The following SOX6 variants were observed in gnomAD, a reference collection of about 807,000 sequenced individuals.
SOX6 encodes SRY-box transcription factor 6.
SOX6 carries 11 observed loss-of-function variants against 97.8 expected under a neutral mutation model. That is an observed-to-expected ratio of 0.11 (90% CI 0.07 to 0.19). The LOEUF is 0.19. Among genes scored for constraint, SOX6 ranks in the 10% least tolerant of loss-of-function variants. The pLI is 1.00. For missense variants in SOX6, 810 were observed against 1,039.5 expected, an observed-to-expected ratio of 0.78 and a Z score of 3.04; for synonymous variants, 360 against 371.4, an observed-to-expected ratio of 0.97 and a Z score of 0.35.
At chr11:16,325,889 C>T (rs182928900) in intron 2 of SOX6, among the ~76,000 whole-genome samples, 61 of 152,130 alleles carry the variant, frequency 4.0e-4, no homozygotes, top group Non-Finnish European at 5.9e-4. Context: ...CCTTTTTGCC[C>T]TTCCACCCTT....
chr11:16,327,116 G>C (rs1057427420), intron 2 of SOX6, among the ~76,000 whole-genome samples: 1 of 152,152 alleles, frequency 6.6e-6, no homozygotes, highest in Non-Finnish European at 1.5e-5. Flanking sequence ...AAATCACGCT[G>C]TATAACTGTC....
chr11:15,998,874 C>G (rs1385078541), intron 13 of SOX6, among the ~76,000 whole-genome samples: 2 of 152,086 alleles, frequency 1.3e-5, no homozygotes, highest in East Asian at 3.9e-4. Flanking sequence ...TAAAATGACT[C>G]TTAGATACAA....
intron 4 of SOX6, among the ~76,000 whole-genome samples, chr11:16,601,580 A>C (rs902548529): frequency 6.6e-6 from 1 of 152,188 alleles, no homozygotes. Context: ...GAGATACATA[A>C]CCGAACAAAA....
At chr11:16,474,645 A>T (rs1286311309) in intron 1 of SOX6, among the ~76,000 whole-genome samples, 2 of 152,106 alleles carry the variant, frequency 1.3e-5, no homozygotes, top group Non-Finnish European at 2.9e-5. Flanking sequence ...CATGCTATAA[A>T]CAAGTGTGCT....
At chr11:16,685,264 T>G (rs1590051608) in intron 3 of SOX6, among the ~76,000 whole-genome samples, 2 of 152,200 alleles carry the variant, frequency 1.3e-5, no homozygotes, top group African/African-American at 4.8e-5. Flanking sequence ...CCCAAAGTCT[T>G]AACTCTCCAG....
At chr11:16,440,899 T>G (rs1859491901) in intron 1 of SOX6, among the ~76,000 whole-genome samples, 2 of 152,244 alleles carry the variant, frequency 1.3e-5, no homozygotes, top group South Asian at 4.1e-4. Context: ...AGAGAAAAAT[T>G]TCTCCAATGG....
intron 4 of SOX6, among the ~76,000 whole-genome samples, chr11:16,199,585 A>G (rs1292540202): frequency 1.3e-5 from 2 of 152,224 alleles, no homozygotes; most frequent in Non-Finnish European, 2.9e-5. Context: ...CAATGACTTC[A>G]CATAGCCTTC....
At chr11:16,215,789 AAAG>A (rs1852356332) in intron 4 of SOX6, among the ~76,000 whole-genome samples, 1 of 152,218 alleles carries the variant, frequency 6.6e-6, no homozygotes, top group Non-Finnish European at 1.5e-5. Context: ...ATTCTCAAAA[AAAG>A]AAGTAAATTT....
chr11:16,675,481 A>G (rs1847877719), intron 3 of SOX6, among the ~76,000 whole-genome samples: 3 of 152,242 alleles, frequency 2.0e-5, no homozygotes, highest in African/African-American at 7.2e-5. Flanking sequence ...TTATGCTATT[A>G]TCTTTTAAAA....
intron 9 of SOX6, among the ~76,000 whole-genome samples, chr11:16,062,884 G>T (rs1321904879): frequency 6.6e-6 from 1 of 151,616 alleles, no homozygotes. Context: ...AAATCATTTA[G>T]GTTAGTCTGA....
intron 4 of SOX6, among the ~76,000 whole-genome samples, chr11:16,574,668 C>T (rs1345615241): frequency 6.6e-6 from 1 of 151,828 alleles, no homozygotes; most frequent in Non-Finnish European, 1.5e-5. Context: ...AAAGACAAGC[C>T]AAAATGGAAG....
chr11:16,527,663 A>G (rs1277392901), intron 4 of SOX6, among the ~76,000 whole-genome samples: 1 of 152,142 alleles, frequency 6.6e-6, no homozygotes, highest in African/African-American at 2.4e-5. Context: ...TATCTGTACG[A>G]AAACTATTAA....
intron 6 of SOX6, among the ~76,000 whole-genome samples, chr11:16,164,594 C>T (rs559711272): frequency 3.9e-5 from 6 of 152,108 alleles, no homozygotes; most frequent in South Asian, 2.1e-4. Flanking sequence ...GAGGCCGAGG[C>T]GGGCGGATCA....
chr11:16,488,472 G>A (rs1860469375), intron 4 of SOX6, among the ~76,000 whole-genome samples: 1 of 152,098 alleles, frequency 6.6e-6, no homozygotes. Context: ...TTCCATAAAT[G>A]TATTTCCCTT....
chr11:15,991,048 AT>A lies in SOX6; in HGVS notation c.1733-1819del, dbSNP rs554059346. Among the ~76,000 whole-genome samples, 102 of 152,212 alleles carry A rather than the reference AT, an allele frequency of 6.7e-4. 1 individual carries two copies. Among genetic ancestry groups the A allele is most frequent in the African/African-American group, 2.0e-3 (81 of 41,536 alleles). ...AAAAGGGTGGGATTGGCTAACATGA[AT>A]TTTTTTCTAAACAGGAAGGAGGGCA... On this transcript the variant is annotated intron_variant, in intron 13 of 15. Transcript: ENST00000683767.
intron 1 of SOX6, among the ~76,000 whole-genome samples, chr11:16,427,386 T>C (rs1859166360): frequency 2.0e-5 from 3 of 152,038 alleles, no homozygotes; most frequent in Admixed American, 2.0e-4. Flanking sequence ...ATGTGCAGGT[T>C]TGTTACATAT....
intron 4 of SOX6, among the ~76,000 whole-genome samples, chr11:16,207,326 G>C (rs982859989): frequency 1.3e-5 from 2 of 152,104 alleles, no homozygotes; most frequent in Admixed American, 1.3e-4. Flanking sequence ...AATTCGGCTG[G>C]GCGCGGTGGC....
intron 3 of SOX6, among the ~76,000 whole-genome samples, chr11:16,250,661 C>A (rs1033540996): frequency 1.6e-4 from 25 of 152,040 alleles, no homozygotes; most frequent in South Asian, 8.3e-4. Flanking sequence ...AAAATTCCAA[C>A]AATCCTAAAA....
chr11:16,103,029 A>G (rs1026802529), intron 7 of SOX6, among the ~76,000 whole-genome samples: 16 of 152,108 alleles, frequency 1.1e-4, no homozygotes, highest in African/African-American at 3.4e-4. Context: ...AATAGATGGG[A>G]CTTAATTAAA....
Sources: allele counts gnomAD v4.1 joint callset (sites outside exome capture counted in the v4.1 genomes callset), GRCh38; gene constraint gnomAD v4.1.1; transcripts MANE v1.5; gene names NCBI Gene and HGNC (gene_info 2026-07-23, HGNC 2026-07-21).